Variants in HRH1 observed in about 807,000 individuals in gnomAD.
The protein encoded by HRH1 is histamine H1 receptor.
In HRH1, 6 loss-of-function variants were observed where a neutral mutation model predicts 10.3. The ratio of observed to expected loss-of-function variants is 0.58; its 90% CI spans 0.32 to 1.15. HRH1 has a LOEUF of 1.15. Among genes scored for constraint, HRH1 ranks in the 50% most tolerant of loss-of-function variants. The pLI, the probability that HRH1 is intolerant of heterozygous loss-of-function variation, is 0.05. For synonymous variants in HRH1, 242 were observed against 236.7 expected (o/e 1.02, Z -0.21); for missense variants, 514 against 615.3 (o/e 0.84, Z 1.74).
intron 1 of HRH1, among the ~76,000 whole-genome samples, chr3:11,197,124 CAAAAA>C (rs11330219): frequency 9.4e-6 from 1 of 106,034 alleles, no homozygotes. Flanking sequence ...GACTCCATCT[CAAAAA>C]AAAAAAAAAA....
At chr3:11,240,022 G>C (rs1939292454) in intron 1 of HRH1, among the ~76,000 whole-genome samples, 1 of 152,138 alleles carries the variant, frequency 6.6e-6, no homozygotes, top group East Asian at 1.9e-4. Context: ...GGGCTGACTG[G>C]TTTGTTCTGG....
intron 1 of HRH1, among the ~76,000 whole-genome samples, chr3:11,235,302 A>G (rs994373272): frequency 6.6e-6 from 1 of 152,136 alleles, no homozygotes; most frequent in Non-Finnish European, 1.5e-5. Flanking sequence ...TTTAGGTATT[A>G]TAAGACCTAG....
At chr3:11,167,892 A>T (rs1937078019) in intron 1 of HRH1, among the ~76,000 whole-genome samples, 1 of 152,190 alleles carries the variant, frequency 6.6e-6, no homozygotes, top group Non-Finnish European at 1.5e-5. Context: ...TTCTCTGCCC[A>T]ATAGGTGTCA....
chr3:11,237,405 A>G (rs1199466350), intron 1 of HRH1, among the ~76,000 whole-genome samples: 1 of 152,132 alleles, frequency 6.6e-6, no homozygotes, highest in Non-Finnish European at 1.5e-5. Context: ...GTCTTAGCAG[A>G]TGGGTGCCAC....
At chr3:11,143,400 G>C (rs3856793) in intron 1 of HRH1, among the ~76,000 whole-genome samples, 123,463 of 152,146 alleles carry the variant, frequency 0.81, 50,932 homozygotes, top group East Asian at 1. Flanking sequence ...ACATTACCAC[G>C]CTGTATTACT....
At chr3:11,138,703 AAT>A (rs1491184881) in intron 1 of HRH1, among the ~76,000 whole-genome samples, 7 of 126,868 alleles carry the variant, frequency 5.5e-5, no homozygotes, top group African/African-American at 1.8e-4. Flanking sequence ...TTCATAGCTG[AAT>A]TTTTTTTTTT....
intron 1 of HRH1, among the ~76,000 whole-genome samples, chr3:11,165,577 G>C (rs1461386777): frequency 6.6e-6 from 1 of 152,144 alleles, no homozygotes; most frequent in African/African-American, 2.4e-5. Context: ...AAGTTTCAGG[G>C]ATTTGAACAT....
At chr3:11,151,483 T>A (rs935732064), upstream of HRH1, among the ~76,000 whole-genome samples, 1 of 146,272 alleles carries the variant, frequency 6.8e-6, no homozygotes, top group East Asian at 2.0e-4. Context: ...AGAAACATCA[T>A]GAAAATTCCT....
At chr3:11,256,248 C>T (rs545584836) in intron 1 of HRH1, among the ~76,000 whole-genome samples, 1 of 152,152 alleles carries the variant, frequency 6.6e-6, no homozygotes, top group East Asian at 1.9e-4. Context: ...ATTGGCACCT[C>T]AGAGCTGGAG....
chr3:11,156,444 G>A lies in HRH1; in HGVS notation c.-36+1890G>A, dbSNP rs185858198. ...CTTATACATGAGCCTCCTCCTCTTC[G>A]ACTCTCTCAGAATTCTGTGTTGGCA... On this transcript the variant is annotated intron_variant, in intron 1 of 1. Transcript: ENST00000431010. Among the ~76,000 whole-genome samples, 9 of 152,248 alleles carry A rather than the reference G, an allele frequency of 5.9e-5. No homozygotes were observed. The East Asian group carries it at 1.5e-3, about 26-fold the overall frequency.
intron 1 of HRH1, among the ~76,000 whole-genome samples, chr3:11,206,809 G>A (rs1938146356): frequency 6.6e-6 from 1 of 152,136 alleles, no homozygotes; most frequent in Admixed American, 6.5e-5. Flanking sequence ...TGGAGCAAAG[G>A]AGATGCAGAG....
At chr3:11,193,129 A>C (rs1937580360) in intron 1 of HRH1, among the ~76,000 whole-genome samples, 1 of 152,236 alleles carries the variant, frequency 6.6e-6, no homozygotes, top group Non-Finnish European at 1.5e-5. Context: ...ACATCTAAAT[A>C]TAAGCATGGT....
chr3:11,251,950 G>A (rs190449950), intron 1 of HRH1, among the ~76,000 whole-genome samples: 9 of 152,360 alleles, frequency 5.9e-5, no homozygotes, highest in South Asian at 4.1e-4. Context: ...AAGCCTACGG[G>A]TTGGGAGTGG....
At chr3:11,197,390 G>T (rs7630582) in intron 1 of HRH1, among the ~76,000 whole-genome samples, 35,263 of 152,074 alleles carry the variant, frequency 0.23, 4,471 homozygotes, top group East Asian at 0.33. Context: ...TCAGTGCCTG[G>T]TACAGGGCCT....
intron 1 of HRH1, among the ~76,000 whole-genome samples, chr3:11,201,425 A>G (rs922809602): frequency 1.3e-5 from 2 of 152,204 alleles, no homozygotes; most frequent in Admixed American, 6.5e-5. Context: ...GTGCAACCAG[A>G]GCAAAGCAGA....
chr3:11,202,725 G>T (rs778177866), intron 1 of HRH1, among the ~76,000 whole-genome samples: 10 of 152,190 alleles, frequency 6.6e-5, no homozygotes, highest in Non-Finnish European at 1.3e-4. Flanking sequence ...CCACAGAGTG[G>T]TGCATTTGTT....
At chr3:11,184,397 G>A (rs1937413114) in intron 1 of HRH1, among the ~76,000 whole-genome samples, 1 of 152,106 alleles carries the variant, frequency 6.6e-6, no homozygotes, top group South Asian at 2.1e-4. Flanking sequence ...TCTGAACGCA[G>A]GCGGTCCATC....
intron 1 of HRH1, among the ~76,000 whole-genome samples, chr3:11,251,480 C>T (rs1575043906): frequency 6.6e-6 from 1 of 152,178 alleles, no homozygotes; most frequent in East Asian, 1.9e-4. Flanking sequence ...CATGTTTGCT[C>T]AGACCAGTCA....
chr3:11,144,418 G>C (rs1034308889), intron 1 of HRH1, among the ~76,000 whole-genome samples: 4 of 149,764 alleles, frequency 2.7e-5, no homozygotes, highest in South Asian at 2.1e-4. Context: ...TACATCTATA[G>C]GTATATATAC....
Sources: gnomAD v4.1 joint callset for allele counts (sites outside exome capture counted in the v4.1 genomes callset) on GRCh38, gnomAD v4.1.1 for gene constraint, MANE v1.5 for transcripts, NCBI Gene and HGNC (gene_info 2026-07-23, HGNC 2026-07-21) for gene names.